TRPC4AP: variants seen among roughly 807,000 people sequenced by gnomAD.
TRPC4AP encodes the protein transient receptor potential cation channel subfamily C member 4 associated protein.
TRPC4AP carries 45 observed loss-of-function variants against 99.0 expected under a neutral mutation model. The ratio of observed to expected loss-of-function variants is 0.45; its 90% CI spans 0.36 to 0.58. TRPC4AP has a LOEUF of 0.58. Among genes scored for constraint, TRPC4AP ranks in the 20% least tolerant of loss-of-function variants. The pLI, the probability that TRPC4AP is intolerant of heterozygous loss-of-function variation, is 0.00. For synonymous variants in TRPC4AP, 408 were observed against 385.8 expected (o/e 1.06, Z -0.67); for missense variants, 879 against 985.3 (o/e 0.89, Z 1.44).
Position 35,080,512 on chromosome 20 carries a change from A to G in TRPC4AP, c.169-2338T>C, listed in dbSNP as rs560884652. Among the ~76,000 whole-genome samples the G allele has an allele frequency of 4.0e-5, 6 of 150,212 alleles. No homozygotes were observed. In the East Asian group the frequency reaches 1.2e-3, roughly 29 times the overall value. ...CCAGACCTTGTCTCAAAACAGAAAC[A>G]AAAACAAAGCGAGACTCCATCTAAA... On this transcript the variant is annotated intron_variant, in intron 1 of 18. Coordinates refer to ENST00000252015, the MANE Select transcript of TRPC4AP (RefSeq NM_015638.3).
At chr20:35,075,778 G>T (rs971559842) in intron 2 of TRPC4AP, among the ~76,000 whole-genome samples, 2 of 152,136 alleles carry the variant, frequency 1.3e-5, no homozygotes, top group Non-Finnish European at 2.9e-5. Context: ...GGCGTTCTCT[G>T]TATTTCCTGA....
chr20:35,010,100 G>A (rs1421447269), intron 12 of TRPC4AP, 87 bp downstream of exon 12: 5 of 1,052,536 alleles, frequency 4.8e-6, no homozygotes, highest in Non-Finnish European at 7.4e-6. Flanking sequence ...GGACACGCGT[G>A]CATACCTGGA....
At chr20:35,007,509 G>A (rs371721115) in intron 14 of TRPC4AP, 41 bp downstream of exon 14, 2 of 1,600,264 alleles carry the variant, frequency 1.2e-6, no homozygotes, top group Non-Finnish European at 1.7e-6. Context: ...CGTGGGCTGG[G>A]GGGAGACGGA....
At chr20:35,080,979 T>C (rs565383571) in intron 1 of TRPC4AP, among the ~76,000 whole-genome samples, 8 of 152,186 alleles carry the variant, frequency 5.3e-5, no homozygotes, top group Non-Finnish European at 8.8e-5. Context: ...ATTGTGGTGA[T>C]GGTTGCATAA....
intron 13 of TRPC4AP, 36 bp downstream of exon 13, chr20:35,008,628 C>T (rs766254310): frequency 6.3e-7 from 1 of 1,584,934 alleles, no homozygotes; most frequent in Non-Finnish European, 8.6e-7. Flanking sequence ...GCTCTGCAGC[C>T]CCGCAGAATC....
At chr20:35,033,075 T>C (rs1236874907) in intron 8 of TRPC4AP, among the ~76,000 whole-genome samples, 2 of 152,082 alleles carry the variant, frequency 1.3e-5, no homozygotes, top group Non-Finnish European at 2.9e-5. Context: ...CATGCACCTG[T>C]AACCCCAGCT....
In TRPC4AP at chr20:35,068,978, C is replaced by CACACAAAA. The variant is rs748790693; in HGVS notation, c.414+317_414+318insTTTTGTGT. 2.2e-4 allele frequency among the ~76,000 whole-genome samples: 21 copies of CACACAAAA among 95,186 alleles called. No homozygotes were observed. The South Asian group carries it at 3.6e-3, about 16-fold the overall frequency. The allele number at this position is 95,186 out of a possible 152,430, so 62.4% of individuals were successfully genotyped here. ...ACACACACACACACACACACACACA[C>CACACAAAA]AAAAAAAACAAAACATCTTAAGCAG... is the stretch of plus-strand genomic sequence containing the variant. On this transcript the variant is annotated intron_variant, in intron 3 of 18. Transcript: ENST00000252015.
intron 10 of TRPC4AP, among the ~76,000 whole-genome samples, chr20:35,015,438 G>C (rs2082730906): frequency 1.3e-5 from 2 of 151,230 alleles, no homozygotes. Context: ...AGGGGAAGTT[G>C]GCTAGAGGGC....
At position 35,057,542 on chromosome 20, in the gene TRPC4AP, C is replaced by T. The variant is rs150179620; in HGVS notation, c.444G>A (p.Thr148=). Residue 148 remains threonine (T), a synonymous_variant, in exon 4 of 19, where the codon ACG becomes ACA. Coordinates refer to ENST00000252015, the MANE Select transcript of TRPC4AP (RefSeq NM_015638.3). ...DLLVEILMRP[T]ISIRGQKLKI... is the part of the protein sequence containing the mutation. ...TCAGTTTCTGTCCCCGGATAGAGAT[C>T]GTAGGCCTCATAAGAATTTCTACAA... is the stretch of plus-strand genomic sequence containing the variant. 3.1e-6 allele frequency: 5 copies of T among 1,611,442 alleles called. No homozygotes were observed. The highest frequency in any genetic ancestry group is 4.2e-6 in the Non-Finnish European group (5 of 1,178,506).
chr20:35,020,798 C>T (rs1433857377), intron 9 of TRPC4AP, among the ~76,000 whole-genome samples: 1 of 152,144 alleles, frequency 6.6e-6, no homozygotes. Flanking sequence ...CTGTACTTGC[C>T]CAGTTTTCCT....
At chr20:35,062,314 G>A (rs1022396325) in intron 3 of TRPC4AP, among the ~76,000 whole-genome samples, 3 of 152,064 alleles carry the variant, frequency 2.0e-5, no homozygotes, top group Admixed American at 6.5e-5. Flanking sequence ...TTTTTAGTAA[G>A]ACAATCTAAT....
At chr20:35,086,987 T>C (rs1484825752) in intron 1 of TRPC4AP, among the ~76,000 whole-genome samples, 1 of 150,808 alleles carries the variant, frequency 6.6e-6, no homozygotes, top group African/African-American at 2.4e-5. Flanking sequence ...GAGCCGAGAC[T>C]GTGCACTGCA....
intron 8 of TRPC4AP, among the ~76,000 whole-genome samples, chr20:35,033,827 T>C (rs1024254375): frequency 1.4e-5 from 1 of 69,530 alleles, no homozygotes; most frequent in African/African-American, 4.5e-5. Flanking sequence ...CCCGTCTCTA[T>C]TCAAAAAAGA....
intron 11 of TRPC4AP, among the ~76,000 whole-genome samples, chr20:35,011,152 C>G (rs753319528): frequency 6.6e-6 from 1 of 152,122 alleles, no homozygotes; most frequent in African/African-American, 2.4e-5. Flanking sequence ...CCTAGCTACT[C>G]AGGAGGCTGA....
At chr20:35,058,537 C>T (rs375441133) in intron 3 of TRPC4AP, among the ~76,000 whole-genome samples, 1 of 152,024 alleles carries the variant, frequency 6.6e-6, no homozygotes, top group South Asian at 2.1e-4. Context: ...ATTTTAAAAA[C>T]CCATCCTAAA....
chr20:35,016,091 A>C lies in TRPC4AP; in HGVS notation c.1267T>G (p.Leu423Val). 1 of 1,614,200 alleles carries C rather than the reference A, an allele frequency of 6.2e-7. No homozygotes were observed. Among genetic ancestry groups the C allele is most frequent in the Non-Finnish European group, 8.5e-7 (1 of 1,180,040 alleles). ...EFKLIPGLNN[L>V]FDKLIWRKHS... ...TTCCTCCAAATCAGTTTGTCAAACA[A>C]ATTATTAAGTCCAGGGATCAGCTTG... The change falls in exon 10 of 19, where the codon TTG (leucine) becomes GTG (valine). Residue 423 changes from leucine (L) to valine (V), a missense_variant. Physicochemically the swap from Leu to Val is conservative, Grantham distance 32 (BLOSUM62 1). Around this residue, in one of 3 missense-constraint regions of TRPC4AP, gnomAD observed 603 missense variants for 631.8 expected, o/e 0.95. Coordinates refer to ENST00000252015, the MANE Select transcript of TRPC4AP (RefSeq NM_015638.3).
In TRPC4AP at chr20:35,015,304, G is replaced by C. The variant is rs150515497; in HGVS notation, c.1350+704C>G. Among the ~76,000 whole-genome samples the C allele has an allele frequency of 4.0e-3, 601 of 151,948 alleles. 5 individuals are homozygous for C. Among genetic ancestry groups the C allele is most frequent in the Admixed American group, 0.013 (200 of 15,260 alleles). ...GTGTGACCACCACGCCCGGGAGCAC[G>C]GTTCTATAGGTGGATGAAAATTACA... On this transcript the variant is annotated intron_variant, in intron 10 of 18. Coordinates refer to ENST00000252015, the MANE Select transcript of TRPC4AP (RefSeq NM_015638.3).
At chr20:35,028,079 T>C (rs890124624) in intron 8 of TRPC4AP, among the ~76,000 whole-genome samples, 4 of 152,352 alleles carry the variant, frequency 2.6e-5, no homozygotes, top group African/African-American at 7.2e-5. Flanking sequence ...TGACTTAAGG[T>C]AGACGTTTAG....
At chr20:35,012,453 A>T (rs1177798281) in intron 11 of TRPC4AP, among the ~76,000 whole-genome samples, 2 of 152,146 alleles carry the variant, frequency 1.3e-5, no homozygotes, top group East Asian at 3.8e-4. Context: ...CACCTCCCCA[A>T]TGCCAAGGTC....
Sources: gnomAD v4.1 joint callset for allele counts (sites outside exome capture counted in the v4.1 genomes callset) on GRCh38, gnomAD v4.1.1 for gene constraint, gnomAD v4.1.1 regional missense constraint, MANE v1.5 for transcripts, NCBI Gene and HGNC (gene_info 2026-07-23, HGNC 2026-07-21) for gene names.